Variants in SPMIP4 observed in about 807,000 individuals in gnomAD.
SPMIP4 encodes the protein sperm microtubule inner protein 4.
chr7:25,176,127 T>C, the SPMIP4 span, among the ~76,000 whole-genome samples: 1 of 152,246 alleles, frequency 6.6e-6, no homozygotes, highest in South Asian at 2.1e-4. The surrounding 1 kb of genome is among the most constrained non-coding windows in gnomAD (Gnocchi z 4.4). Flanking sequence ...TTGAATTTTA[T>C]AGTCAGTTAA....
chr7:25,161,322 A>C, the SPMIP4 span: 1 of 871,308 alleles, frequency 1.1e-6, no homozygotes, highest in Non-Finnish European at 1.8e-6. Flanking sequence ...TAATGGTGAG[A>C]TAGTAAAAGA....
chr7:25,139,815 T>TTATATG, the SPMIP4 span, among the ~76,000 whole-genome samples: 2 of 152,364 alleles, frequency 1.3e-5, no homozygotes, highest in East Asian at 1.9e-4. Flanking sequence ...TTTACACTAC[T>TTATATG]ACAATAAAAT....
the SPMIP4 span, among the ~76,000 whole-genome samples, chr7:25,129,470 A>C: frequency 6.6e-6 from 1 of 152,140 alleles, no homozygotes; most frequent in Non-Finnish European, 1.5e-5. Context: ...CCGCAAGCAC[A>C]CTGATTCTCT....
the SPMIP4 span, among the ~76,000 whole-genome samples, chr7:25,137,911 G>A: frequency 1.3e-5 from 2 of 152,064 alleles, no homozygotes; most frequent in African/African-American, 2.4e-5. Flanking sequence ...GTGTAAGATT[G>A]GTGTTATTTC....
the SPMIP4 span, among the ~76,000 whole-genome samples, chr7:25,152,884 C>T: frequency 1.3e-5 from 2 of 151,796 alleles, no homozygotes; most frequent in South Asian, 4.2e-4. Flanking sequence ...GCCGGGACTA[C>T]AGGCATGCAC....
chr7:25,152,655 TTTCC>T, the SPMIP4 span, among the ~76,000 whole-genome samples: 7 of 151,604 alleles, frequency 4.6e-5, no homozygotes, highest in East Asian at 1.9e-4. Context: ...TCCTAACTTC[TTTCC>T]TTCCTTCCTT....
chr7:25,180,121 G>T, the SPMIP4 span: 2 of 152,180 alleles, frequency 1.3e-5, no homozygotes, highest in African/African-American at 2.4e-5. Context: ...GAAGGACGGC[G>T]GGCAGGCCGG....
chr7:25,144,436 A>T, the SPMIP4 span, among the ~76,000 whole-genome samples: 1 of 152,010 alleles, frequency 6.6e-6, no homozygotes, highest in African/African-American at 2.4e-5. Flanking sequence ...CGCCCCATTT[A>T]CCCACCACCT....
the SPMIP4 span, among the ~76,000 whole-genome samples, chr7:25,173,184 T>C: frequency 6.6e-6 from 1 of 152,056 alleles, no homozygotes; most frequent in Non-Finnish European, 1.5e-5. The surrounding 1 kb of genome is among the most constrained non-coding windows in gnomAD (Gnocchi z 4.4). Flanking sequence ...TTTTTCTCTT[T>C]ACCAGTACAG....
chr7:25,164,120 A>T, the SPMIP4 span, among the ~76,000 whole-genome samples: 1 of 152,180 alleles, frequency 6.6e-6, no homozygotes, highest in Non-Finnish European at 1.5e-5. Flanking sequence ...ATTCCCCCTT[A>T]GCCAGAATGC....
the SPMIP4 span, among the ~76,000 whole-genome samples, chr7:25,165,894 C>G: frequency 6.6e-6 from 1 of 152,216 alleles, no homozygotes; most frequent in Non-Finnish European, 1.5e-5. Context: ...AATACCCTCT[C>G]TACATTTTGC....
the SPMIP4 span, among the ~76,000 whole-genome samples, chr7:25,153,369 G>C: frequency 1.1e-4 from 16 of 152,004 alleles, no homozygotes; most frequent in South Asian, 3.3e-3. Context: ...TTCGAGACCA[G>C]CCTGGCCAAC....
the SPMIP4 span, among the ~76,000 whole-genome samples, chr7:25,152,707 C>T: frequency 4.0e-5 from 6 of 150,892 alleles, no homozygotes; most frequent in African/African-American, 1.5e-4. Context: ...CTTTCTCTCT[C>T]TCTTCCTTTT....
At chr7:25,154,064 G>A in the SPMIP4 span, among the ~76,000 whole-genome samples, 1 of 152,194 alleles carries the variant, frequency 6.6e-6, no homozygotes, top group Non-Finnish European at 1.5e-5. Context: ...CCCATGGACC[G>A]CAGGTGAGTA....
At chr7:25,131,259 A>G in the SPMIP4 span, among the ~76,000 whole-genome samples, 1 of 152,216 alleles carries the variant, frequency 6.6e-6, no homozygotes, top group Non-Finnish European at 1.5e-5. This position sits in a 1 kb window ranked among gnomAD's most constrained non-coding sequence, Gnocchi z 4.2. Flanking sequence ...ATGCAAGAAA[A>G]CAAGCTCAGG....
chr7:25,135,921 AT>A, the SPMIP4 span: 1 of 1,527,716 alleles, frequency 6.5e-7, no homozygotes, highest in Non-Finnish European at 8.8e-7. Context: ...ATTCTGTTAT[AT>A]TTTTTAGCTT....
the SPMIP4 span, chr7:25,155,296 G>T: frequency 1.0e-6 from 1 of 1,004,610 alleles, no homozygotes; most frequent in Non-Finnish European, 1.4e-6. Context: ...TTAAATGGCA[G>T]AAACTGTTCT....
chr7:25,156,159 G>C, the SPMIP4 span, among the ~76,000 whole-genome samples: 1 of 152,198 alleles, frequency 6.6e-6, no homozygotes. Flanking sequence ...AAACACCTGA[G>C]GAGGATGCCA....
chr7:25,175,393 G>T, the SPMIP4 span, among the ~76,000 whole-genome samples: 3 of 152,052 alleles, frequency 2.0e-5, no homozygotes, highest in South Asian at 6.2e-4. Flanking sequence ...AAGTAGCTGG[G>T]ACCTACAGGT....
Sources: gnomAD v4.1 joint callset for allele counts (sites outside exome capture counted in the v4.1 genomes callset) on GRCh38, gnomAD v4.1.1 for gene constraint, Gnocchi (gnomAD v3.1) non-coding constraint, MANE v1.5 for transcripts, NCBI Gene and HGNC (gene_info 2026-07-23, HGNC 2026-07-21) for gene names.